The following SUSD5 variants were observed in gnomAD, a reference collection of about 807,000 sequenced individuals.
SUSD5 encodes sushi domain containing 5, also known as sushi domain-containing protein 5.
Under a neutral mutation model 29.5 loss-of-function variants are expected in SUSD5, and 33 were observed. The observed-to-expected ratio is 1.12, with a 90% CI of 0.85 to 1.49. The LOEUF is 1.49. Ranked by LOEUF, SUSD5 falls within the 40% of genes most tolerant of loss-of-function variation. The pLI, the probability that SUSD5 is intolerant of heterozygous loss-of-function variation, is 0.00. For missense variants in SUSD5, 776 were observed against 800.6 expected (o/e 0.97, Z 0.37); for synonymous variants, 308 against 325.3 (o/e 0.95, Z 0.57).
In SUSD5 at chr3:33,150,099, C is replaced by T. The variant is rs917619188; in HGVS notation, c.*2643G>A. ...CAGAAGCTTTGTGTTAATAGAACCC[C>T]CTCCCCCAATTTTCATGAGCATTAA... On this transcript the variant is annotated 3_prime_UTR_variant, in exon 5 of 5. Coordinates refer to ENST00000309558, the MANE Select transcript of SUSD5 (RefSeq NM_015551.2). 3 of 152,016 alleles carry T rather than the reference C, an allele frequency of 2.0e-5. No homozygotes were observed. Among genetic ancestry groups the T allele is most frequent in the African/African-American group, 4.8e-5 (2 of 41,364 alleles). The allele number at this position is 152,016 out of a possible 1,614,324, so 9.4% of individuals were successfully genotyped here.
chr3:33,157,524 T>TA (rs1485702507), intron 4 of SUSD5, among the ~76,000 whole-genome samples: 2 of 152,318 alleles, frequency 1.3e-5, no homozygotes, highest in South Asian at 2.1e-4. Flanking sequence ...TGTGTGTACT[T>TA]ACTGGCTGTG....
chr3:33,154,907 AATG>A (rs2031015381), intron 4 of SUSD5, among the ~76,000 whole-genome samples: 1 of 152,232 alleles, frequency 6.6e-6, no homozygotes, highest in Non-Finnish European at 1.5e-5. Flanking sequence ...ACATTAACTG[AATG>A]TTAAAGTTTA....
At chr3:33,183,340 G>A (rs1232806590) in intron 3 of SUSD5, among the ~76,000 whole-genome samples, 1 of 151,898 alleles carries the variant, frequency 6.6e-6, no homozygotes, top group African/African-American at 2.4e-5. Context: ...GTCTTTTATG[G>A]TTTTAATTGA....
rs762796570 is a variant in SUSD5, at chr3:33,153,029, A to G, written c.1603T>C (p.Tyr535His). 3 of 1,613,796 alleles carry G rather than the reference A, an allele frequency of 1.9e-6. No individual in the cohort carries two copies. The highest frequency in any genetic ancestry group is 1.1e-5 in the South Asian group (1 of 91,036). The change falls in exon 5 of 5, where the codon TAC becomes CAC. Residue 535 changes from tyrosine to histidine, a missense_variant. Coordinates refer to ENST00000309558, the MANE Select transcript of SUSD5 (RefSeq NM_015551.2). ...CCAAAGAAGTCTTCAGACAGCAGGTATGGGAAGCTATCCTGGATCTCAGGA... is the reference window on the plus strand; with the variant it reads ...CCAAAGAAGTCTTCAGACAGCAGGTGTGGGAAGCTATCCTGGATCTCAGGA... ...TVPEIQDSFP[Y>H]LLSEDFFGQE...
chr3:33,158,528 G>A (rs1357429954), intron 4 of SUSD5, among the ~76,000 whole-genome samples: 2 of 152,052 alleles, frequency 1.3e-5, no homozygotes, highest in African/African-American at 2.4e-5. Context: ...TGGTGACCCC[G>A]CTCCATCAAA....
At chr3:33,202,525 G>A (rs2032140027) in intron 3 of SUSD5, among the ~76,000 whole-genome samples, 1 of 152,152 alleles carries the variant, frequency 6.6e-6, no homozygotes, top group South Asian at 2.1e-4. Context: ...AGTGGGCTGG[G>A]GAGAGGGAAG....
At chr3:33,184,465 C>T (rs1013295285) in intron 3 of SUSD5, among the ~76,000 whole-genome samples, 1 of 151,926 alleles carries the variant, frequency 6.6e-6, no homozygotes, top group Admixed American at 6.6e-5. Context: ...GTTGGTTGTC[C>T]GACATTAATT....
At chr3:33,202,450 T>C (rs948375570) in intron 3 of SUSD5, among the ~76,000 whole-genome samples, 1 of 152,044 alleles carries the variant, frequency 6.6e-6, no homozygotes, top group African/African-American at 2.4e-5. Flanking sequence ...CACTCCTGTT[T>C]TTAAGGGCAA....
chr3:33,172,685 C>T (rs962125206), intron 4 of SUSD5, among the ~76,000 whole-genome samples: 10 of 152,166 alleles, frequency 6.6e-5, no homozygotes, highest in Admixed American at 6.6e-4. Context: ...AGCACTTGTC[C>T]CAGTCTGTAA....
chr3:33,172,506 G>A (rs778950232), intron 4 of SUSD5, among the ~76,000 whole-genome samples: 1 of 152,186 alleles, frequency 6.6e-6, no homozygotes, highest in African/African-American at 2.4e-5. Flanking sequence ...GGTGGGTATG[G>A]GCCTGCTTCA....
At chr3:33,156,906 A>G (rs1262600878) in intron 4 of SUSD5, among the ~76,000 whole-genome samples, 1 of 152,254 alleles carries the variant, frequency 6.6e-6, no homozygotes, top group Admixed American at 6.5e-5. Context: ...GAAAAGGGAA[A>G]CAGTGGATGA....
At chr3:33,154,244 C>T (rs998340165) in intron 4 of SUSD5, among the ~76,000 whole-genome samples, 1 of 152,108 alleles carries the variant, frequency 6.6e-6, no homozygotes, top group Non-Finnish European at 1.5e-5. Context: ...GAGCTTAGGC[C>T]GGGCATGGTG....
chr3:33,181,498 G>A (rs1189228225), intron 3 of SUSD5, among the ~76,000 whole-genome samples: 2 of 151,588 alleles, frequency 1.3e-5, no homozygotes, highest in East Asian at 3.9e-4. Flanking sequence ...CAATCCTCCT[G>A]TGTAGCTGAG....
intron 4 of SUSD5, among the ~76,000 whole-genome samples, chr3:33,156,238 A>C (rs61326660): frequency 0.11 from 16,651 of 151,948 alleles, 983 homozygotes; most frequent in East Asian, 0.18. Flanking sequence ...ACAGGGTTTC[A>C]CCATGTTGGC....
rs1256036896 is a variant in SUSD5 at position 33,214,114 on chromosome 3, G to A, written c.113-9C>T. ...CAGCACAAAGAACTTTCCTGTGTGG[G>A]AACAAGAACAAACACATGTGGATTT... On this transcript the variant is annotated splice_polypyrimidine_tract_variant and intron_variant, in intron 1 of 4. Transcript: ENST00000309558. The A allele has an allele frequency of 1.3e-6, 2 of 1,588,460 alleles. No individual in the cohort carries two copies. The highest frequency in any genetic ancestry group is 2.3e-5 in the South Asian group (2 of 87,198).
intron 3 of SUSD5, among the ~76,000 whole-genome samples, chr3:33,176,658 A>G (rs1004187936): frequency 6.6e-6 from 1 of 152,222 alleles, no homozygotes; most frequent in Admixed American, 6.5e-5. Context: ...TTAGTCTAAG[A>G]AGTCATTGCC....
intron 4 of SUSD5, among the ~76,000 whole-genome samples, chr3:33,166,231 T>G (rs1201637915): frequency 6.6e-6 from 1 of 152,224 alleles, no homozygotes; most frequent in African/African-American, 2.4e-5. Flanking sequence ...CTTTGCTAAT[T>G]AATACCCTGA....
chr3:33,185,924 C>T (rs1007226281), intron 3 of SUSD5, among the ~76,000 whole-genome samples: 3 of 151,800 alleles, frequency 2.0e-5, no homozygotes, highest in African/African-American at 7.3e-5. Context: ...AGAAGTGGAA[C>T]TGCTGCATCA....
chr3:33,206,529 T>C (rs1176486119), intron 3 of SUSD5, among the ~76,000 whole-genome samples: 1 of 152,048 alleles, frequency 6.6e-6, no homozygotes, highest in Admixed American at 6.6e-5. Flanking sequence ...CATCTCTCAG[T>C]TGCTTGACTG....
Sources: allele counts gnomAD v4.1 joint callset (sites outside exome capture counted in the v4.1 genomes callset), GRCh38; gene constraint gnomAD v4.1.1; transcripts MANE v1.5; gene names NCBI Gene and HGNC (gene_info 2026-07-23, HGNC 2026-07-21).